Variants in PRCP observed in about 807,000 individuals in gnomAD.
PRCP encodes lysosomal Pro-X carboxypeptidase.
A neutral mutation model predicts 54.2 loss-of-function variants in PRCP; 46 were observed. The ratio of observed to expected loss-of-function variants is 0.85; its 90% CI spans 0.67 to 1.09. PRCP has a LOEUF of 1.09. PRCP is among the 50% of genes least tolerant of loss of function. The pLI is 0.00. For missense variants in PRCP, 613 were observed against 596.8 expected, an observed-to-expected ratio of 1.03 and a Z score of -0.28; for synonymous variants, 240 against 212.2, an observed-to-expected ratio of 1.13 and a Z score of -1.14.
chr11:82,843,503 A>T (rs143461132), intron 6 of PRCP, among the ~76,000 whole-genome samples: 4 of 152,232 alleles, frequency 2.6e-5, no homozygotes, highest in Non-Finnish European at 5.9e-5. Flanking sequence ...GATAATGTGC[A>T]GATATTACTG....
intron 2 of PRCP, among the ~76,000 whole-genome samples, chr11:82,854,701 A>G (rs1416579927): frequency 6.6e-6 from 1 of 152,006 alleles, no homozygotes; most frequent in Non-Finnish European, 1.5e-5. Flanking sequence ...CAAACAAAAA[A>G]CTTGAATCAC....
chr11:82,871,347 T>A (rs1229408180), intron 1 of PRCP, among the ~76,000 whole-genome samples: 1 of 152,052 alleles, frequency 6.6e-6, no homozygotes, highest in Non-Finnish European at 1.5e-5. Flanking sequence ...CCCTGCTACT[T>A]TTTGTATTTT....
chr11:82,843,459 G>T (rs1858724593), intron 6 of PRCP, among the ~76,000 whole-genome samples: 1 of 152,164 alleles, frequency 6.6e-6, no homozygotes, highest in Non-Finnish European at 1.5e-5. Context: ...CAACAATTTT[G>T]TCTTAACCTC....
intron 1 of PRCP, among the ~76,000 whole-genome samples, chr11:82,880,836 GAA>G (rs35371555): frequency 0.018 from 2,501 of 137,912 alleles, 57 homozygotes; most frequent in African/African-American, 0.06. Context: ...CCTTATGGAG[GAA>G]AAAAAAAAAA....
At chr11:82,882,450 G>A (rs1054094375) in intron 1 of PRCP, among the ~76,000 whole-genome samples, 5 of 152,006 alleles carry the variant, frequency 3.3e-5, no homozygotes, top group Admixed American at 2.0e-4. Flanking sequence ...CCATTCTGTA[G>A]GCACTCACTA....
At chr11:82,859,887 T>A in intron 2 of PRCP, 90 bp downstream of exon 2, 1 of 1,267,830 alleles carries the variant, frequency 7.9e-7, no homozygotes, top group Admixed American at 2.9e-5. Flanking sequence ...AGAACAGCAA[T>A]GTTTGGTCAT....
At chr11:82,840,649 T>C (rs1317523881) in intron 6 of PRCP, 1 of 152,066 alleles carries the variant, frequency 6.6e-6, no homozygotes, top group Non-Finnish European at 1.5e-5. Context: ...TGGAGAAAAA[T>C]AACAGGCAAT....
intron 1 of PRCP, among the ~76,000 whole-genome samples, chr11:82,871,177 CTTTTTTTTTTT>C (rs146234682): frequency 2.6e-5 from 3 of 117,410 alleles, no homozygotes; most frequent in South Asian, 2.7e-4. Flanking sequence ...AAATGTTTCT[CTTTTTTTTTTT>C]TTTTTTTTTT....
chr11:82,867,004 G>T (rs1385225478), intron 1 of PRCP, among the ~76,000 whole-genome samples: 1 of 152,222 alleles, frequency 6.6e-6, no homozygotes, highest in South Asian at 2.1e-4. Context: ...TTACAGGCAT[G>T]AGCCACCGCG....
intron 8 of PRCP, chr11:82,830,870 A>T (rs907575856): frequency 6.6e-6 from 1 of 151,868 alleles, no homozygotes; most frequent in African/African-American, 2.4e-5. Context: ...AAAACAAAGA[A>T]GCTATCCCAA....
intron 6 of PRCP, among the ~76,000 whole-genome samples, chr11:82,846,718 G>A (rs1416348162): frequency 6.6e-6 from 1 of 152,130 alleles, no homozygotes; most frequent in Non-Finnish European, 1.5e-5. Context: ...AATATTTGAG[G>A]TATACTCTGC....
intron 1 of PRCP, among the ~76,000 whole-genome samples, chr11:82,895,506 C>G (rs534346262): frequency 6.6e-6 from 1 of 152,274 alleles, no homozygotes; most frequent in South Asian, 2.1e-4. Context: ...CAAGCTCTAT[C>G]AAGTTTCTGA....
intron 2 of PRCP, among the ~76,000 whole-genome samples, chr11:82,853,866 A>G (rs758542320): frequency 7.9e-5 from 12 of 152,210 alleles, no homozygotes; most frequent in Non-Finnish European, 1.5e-4. Context: ...AAATCAATAA[A>G]CAGAATTCAC....
intron 1 of PRCP, among the ~76,000 whole-genome samples, chr11:82,899,107 C>T (rs888473468): frequency 6.6e-6 from 1 of 152,234 alleles, no homozygotes; most frequent in Non-Finnish European, 1.5e-5. Flanking sequence ...ACCTGTAATC[C>T]CAACACTTTG....
chr11:82,839,498 A>G (rs1858609442), intron 6 of PRCP, 73 bp from the exon 7 acceptor site: 1 of 1,436,562 alleles, frequency 7.0e-7, no homozygotes, highest in Non-Finnish European at 9.6e-7. Flanking sequence ...TAACACAAAG[A>G]AGAAATATGA....
At chr11:82,837,068 G>T in intron 8 of PRCP, 1 of 212,120 alleles carries the variant, frequency 4.7e-6, no homozygotes, top group Non-Finnish European at 1.0e-5. Context: ...GAATTGTCAA[G>T]GTGATGTCAC....
chr11:82,894,222 T>C (rs1317968372), intron 1 of PRCP, among the ~76,000 whole-genome samples: 2 of 152,202 alleles, frequency 1.3e-5, no homozygotes, highest in African/African-American at 4.8e-5. Flanking sequence ...AAGCAAACTT[T>C]AAAATCATAA....
At chr11:82,874,241 T>C (rs577355502) in intron 1 of PRCP, among the ~76,000 whole-genome samples, 1 of 152,308 alleles carries the variant, frequency 6.6e-6, no homozygotes, top group African/African-American at 2.4e-5. Context: ...TGTGTAAGTA[T>C]TTCTTGAGTG....
intron 1 of PRCP, among the ~76,000 whole-genome samples, chr11:82,891,871 C>A (rs759363845): frequency 1.1e-4 from 17 of 152,168 alleles, no homozygotes; most frequent in Non-Finnish European, 2.2e-4. Context: ...CATTTTATCA[C>A]ATTGTCAGAA....
Sources: allele counts gnomAD v4.1 joint callset (sites outside exome capture counted in the v4.1 genomes callset), GRCh38; gene constraint gnomAD v4.1.1; transcripts MANE v1.5; gene names NCBI Gene and HGNC (gene_info 2026-07-23, HGNC 2026-07-21).